The following URB2 variants were observed in gnomAD, a reference collection of about 807,000 sequenced individuals.
URB2 encodes the protein unhealthy ribosome biogenesis protein 2 homolog.
A neutral mutation model predicts 120.9 loss-of-function variants in URB2; 86 were observed. The ratio of observed to expected loss-of-function variants is 0.71; its 90% CI spans 0.60 to 0.85. URB2 has a LOEUF of 0.85. URB2 is among the 40% of genes least tolerant of loss of function. URB2 has a pLI of 0.00. For missense variants in URB2, 1,765 were observed against 1,836.5 expected, an observed-to-expected ratio of 0.96 and a Z score of 0.71; for synonymous variants, 755 against 758.4, an observed-to-expected ratio of 1.00 and a Z score of 0.07.
chr1:229,630,809 G>A (rs1265878419), intron 2 of URB2, among the ~76,000 whole-genome samples: 1 of 151,740 alleles, frequency 6.6e-6, no homozygotes, highest in Non-Finnish European at 1.5e-5. Flanking sequence ...CCAACATGGC[G>A]AAACCCCTAA....
intron 2 of URB2, among the ~76,000 whole-genome samples, chr1:229,630,533 CAG>C (rs776922866): frequency 5.9e-5 from 9 of 152,140 alleles, no homozygotes; most frequent in South Asian, 2.1e-4. Context: ...AGAGCACAAA[CAG>C]AGTAGATTTA....
intron 1 of URB2, 112 bp from the exon 2 acceptor site, chr1:229,627,509 A>G (rs1274472304): frequency 1.6e-5 from 17 of 1,039,208 alleles, no homozygotes; most frequent in Non-Finnish European, 2.2e-5. Flanking sequence ...AACTTTTAAA[A>G]GAATACATAT....
chr1:229,643,954 C>A (rs994077279), intron 5 of URB2, among the ~76,000 whole-genome samples: 1 of 152,260 alleles, frequency 6.6e-6, no homozygotes. Context: ...CTAAGTGTTA[C>A]ACATTCACAA....
At chr1:229,631,101 G>C (rs910781199) in intron 2 of URB2, among the ~76,000 whole-genome samples, 1 of 151,370 alleles carries the variant, frequency 6.6e-6, no homozygotes, top group African/African-American at 2.4e-5. Context: ...ATTTTAGCTC[G>C]ACCTTCTACA....
chr1:229,638,041 G>A lies in URB2; in HGVS notation c.3428G>A (p.Ser1143Asn). ...RDGGADISQGSDRTLLSHVAL... is the reference protein window; with the variant it reads ...RDGGADISQGNDRTLLSHVAL... ...GGAGGGGCCGACATTTCCCAAGGAAGCGACAGGACGCTGCTCTCCCATGTT... is the reference window on the plus strand; with the variant it reads ...GGAGGGGCCGACATTTCCCAAGGAAACGACAGGACGCTGCTCTCCCATGTT... Residue 1143 changes from serine to asparagine, a missense_variant, in exon 4 of 10, where the codon AGC becomes AAC. Physicochemically the swap from Ser to Asn is conservative, Grantham distance 46. Transcript: ENST00000258243. 2 of 1,613,496 alleles carry A rather than the reference G, an allele frequency of 1.2e-6. 1 individual carries two copies.
chr1:229,651,617 A>G (rs1047499491), intron 8 of URB2, among the ~76,000 whole-genome samples: 1 of 152,220 alleles, frequency 6.6e-6, no homozygotes, highest in Non-Finnish European at 1.5e-5. Flanking sequence ...GGGGATATAA[A>G]AATGACTTAC....
chr1:229,639,579 G>A (rs910383829), intron 4 of URB2, among the ~76,000 whole-genome samples: 5 of 151,830 alleles, frequency 3.3e-5, no homozygotes, highest in African/African-American at 9.7e-5. Flanking sequence ...CTCATTATCC[G>A]CCCACCTCAG....
At position 229,636,033 on chromosome 1, in the gene URB2, T is replaced by G; in HGVS notation, c.1420T>G (p.Leu474Val). 1 of 1,614,088 alleles carries G rather than the reference T, an allele frequency of 6.2e-7. No individual in the cohort carries two copies. Among genetic ancestry groups the G allele is most frequent in the Non-Finnish European group, 8.5e-7 (1 of 1,179,948 alleles). The change falls in exon 4 of 10, where the codon TTG becomes GTG. Residue 474 changes from leucine to valine, a missense_variant. Leu to Val is a conservative substitution (Grantham distance 32). Coordinates refer to ENST00000258243, the MANE Select transcript of URB2 (RefSeq NM_014777.4). The stretch of plus-strand genomic sequence containing the variant: ...AGTGCCACGGTTGTTTGAAGAGGTT[T>G]TGGGGGTGATCTGTCGTCCAGCTGC... The part of the protein sequence containing the change: ...RQVPRLFEEV[L>V]GVICRPAAEA...
Position 229,636,410 on chromosome 1 carries a change from G to A in URB2, c.1797G>A (p.Leu599=). Residue 599 remains leucine (L), a synonymous_variant, in exon 4 of 10, where the codon CTG becomes CTA. Transcript: ENST00000258243. ...DTPGPEPELW[L]QKVSDSVLLL... ...CAGGCCCAGAGCCAGAGCTGTGGCT[G>A]CAGAAGGTCAGTGACTCTGTGCTCC... The A allele has an allele frequency of 1.2e-6, 2 of 1,614,272 alleles. No individual in the cohort carries two copies. Among genetic ancestry groups the A allele is most frequent in the South Asian group, 1.1e-5 (1 of 91,088 alleles).
rs553099512 is a variant in URB2 at position 229,642,612 on chromosome 1, CTG to C, written c.3635-920_3635-919del. Among the ~76,000 whole-genome samples, 293 of 152,276 alleles carry C rather than the reference CTG, an allele frequency of 1.9e-3. 2 individuals carry two copies. The highest frequency in any genetic ancestry group is 2.4e-3 in the Non-Finnish European group (162 of 68,020). On this transcript the variant is annotated intron_variant, in intron 4 of 9. Coordinates refer to ENST00000258243, the MANE Select transcript of URB2 (RefSeq NM_014777.4). The stretch of plus-strand genomic sequence containing the variant: ...TTGTGAAACCGTGGGCCCAAGGACA[CTG>C]GGGATGATGGGGAACAGCTGGGTGA...
At chr1:229,626,755 C>G (rs1192309797) in intron 1 of URB2, among the ~76,000 whole-genome samples, 1 of 152,250 alleles carries the variant, frequency 6.6e-6, no homozygotes, top group East Asian at 1.9e-4. Context: ...CAGCAAACAC[C>G]TGTTATGCAC....
chr1:229,635,721 A>G lies in URB2; in HGVS notation c.1108A>G (p.Asn370Asp), dbSNP rs1225265967. ...ACAGCTACTAAACTCAGTGGCCAAC[A>G]ACAATATCTACAACATCGCTGCCGA... ...VEQLLNSVAN[N>D]NIYNIAADRI... The change falls in exon 4 of 10, where the codon AAC (asparagine) becomes GAC (aspartate). Residue 370 changes from asparagine to aspartate, a missense_variant. Asn to Asp is a conservative substitution (Grantham distance 23, BLOSUM62 1). Transcript: ENST00000258243. The G allele has an allele frequency of 3.7e-6, 6 of 1,614,106 alleles. No individual in the cohort carries two copies. Among genetic ancestry groups the G allele is most frequent in the Non-Finnish European group, 5.1e-6 (6 of 1,180,050 alleles).
intron 1 of URB2, among the ~76,000 whole-genome samples, chr1:229,626,958 G>A (rs1665502910): frequency 6.6e-6 from 1 of 152,054 alleles, no homozygotes; most frequent in Admixed American, 6.5e-5. Context: ...ATAACTTTTA[G>A]GAAACTCAAA....
rs1665756112 is a variant in URB2 at position 229,634,963 on chromosome 1, G to T, written c.350G>T (p.Arg117Ile). The T allele has an allele frequency of 6.4e-7, 1 of 1,554,478 alleles. No homozygotes were observed. The highest frequency in any genetic ancestry group is 8.7e-7 in the Non-Finnish European group (1 of 1,150,292). ...VAEFSLSGSQ[R>I]NICAVLRCCQ... ...GAGTTCTCTCTTTCGGGATCCCAAAGAAACATCTGTGCTGTCCTTCGATGT... is the reference window on the plus strand; with the variant it reads ...GAGTTCTCTCTTTCGGGATCCCAAATAAACATCTGTGCTGTCCTTCGATGT... The change falls in exon 4 of 10, where the codon AGA becomes ATA. Residue 117 changes from arginine (R) to isoleucine (I), a missense_variant. Coordinates refer to ENST00000258243, the MANE Select transcript of URB2 (RefSeq NM_014777.4).
In URB2 at chr1:229,635,412, A is replaced by G. The variant is rs1161456197; in HGVS notation, c.799A>G (p.Lys267Glu). 1 of 1,613,918 alleles carries G rather than the reference A, an allele frequency of 6.2e-7. No individual in the cohort carries two copies. Among genetic ancestry groups the G allele is most frequent in the African/African-American group, 1.3e-5 (1 of 74,944 alleles). The part of the protein sequence containing the change: ...GLLDQQQGDV[K>E]TGAMKNLLAP... ...CTTGGACCAGCAGCAAGGGGATGTGAAGACGGGAGCCATGAAGAACCTTCT... is the reference window on the plus strand; with the variant it reads ...CTTGGACCAGCAGCAAGGGGATGTGGAGACGGGAGCCATGAAGAACCTTCT... Residue 267 changes from lysine to glutamate, a missense_variant, in exon 4 of 10, where the codon AAG becomes GAG. Lys to Glu is a moderately conservative substitution (Grantham distance 56). Coordinates refer to ENST00000258243, the MANE Select transcript of URB2 (RefSeq NM_014777.4).
chr1:229,634,947 C>T lies in URB2; in HGVS notation c.334C>T (p.Leu112Phe), dbSNP rs1329241507. 1 of 1,540,600 alleles carries T rather than the reference C, an allele frequency of 6.5e-7. No homozygotes were observed. The highest frequency in any genetic ancestry group is 1.2e-5 in the South Asian group (1 of 80,496). The change falls in exon 4 of 10, where the codon CTT becomes TTT. Residue 112 changes from leucine (L) to phenylalanine (F), a missense_variant. Transcript: ENST00000258243. ...IINERVAEFS[L>F]SGSQRNICAV... is the part of the protein sequence containing the mutation. ...CAATGAGAGAGTAGCTGAGTTCTCT[C>T]TTTCGGGATCCCAAAGAAACATCTG...
intron 7 of URB2, among the ~76,000 whole-genome samples, chr1:229,650,170 C>G (rs1666234268): frequency 6.6e-6 from 1 of 152,228 alleles, no homozygotes; most frequent in African/African-American, 2.4e-5. Context: ...CGTGATGCAG[C>G]ACTGTCCAGC....
Position 229,636,117 on chromosome 1 carries a change from C to T in URB2, c.1504C>T (p.Leu502Phe). Residue 502 changes from leucine (L) to phenylalanine (F), a missense_variant, in exon 4 of 10, where the codon CTC (leucine) becomes TTC (phenylalanine). Physicochemically the swap from Leu to Phe is conservative, Grantham distance 22. Transcript: ENST00000258243. The stretch of plus-strand genomic sequence containing the variant: ...CCCCTCCACGGTACTCTCTGCATGC[C>T]TCCTGGAGCTGCCTCCAAGTCAGAT... Reference protein sequence around the residue: ...SGPSTVLSACLLELPPSQILD... With the variant: ...SGPSTVLSACFLELPPSQILD... 2 of 1,614,268 alleles carry T rather than the reference C, an allele frequency of 1.2e-6. No individual in the cohort carries two copies. The highest frequency in any genetic ancestry group is 1.1e-5 in the South Asian group (1 of 91,090).
At chr1:229,632,579 A>T (rs1205543652) in intron 3 of URB2, 134 bp downstream of exon 3, 1 of 703,972 alleles carries the variant, frequency 1.4e-6, no homozygotes, top group Non-Finnish European at 2.1e-6. Flanking sequence ...ATGTAATATT[A>T]TTGGAATTAA....
Sources: allele counts gnomAD v4.1 joint callset (sites outside exome capture counted in the v4.1 genomes callset), GRCh38; gene constraint gnomAD v4.1.1; transcripts MANE v1.5; gene names NCBI Gene and HGNC (gene_info 2026-07-23, HGNC 2026-07-21).